The following PCID2 variants were observed in gnomAD, a reference collection of about 807,000 sequenced individuals.
PCID2 encodes PCI domain containing 2, also known as PCI domain-containing protein 2.
Under a neutral mutation model 61.3 loss-of-function variants are expected in PCID2, and 41 were observed. That is an observed-to-expected ratio of 0.67 (90% confidence interval 0.52 to 0.87). The LOEUF is 0.87. PCID2 is among the 40% of genes least tolerant of loss of function. The pLI is 0.00. For synonymous variants in PCID2, 187 were observed against 177.8 expected (o/e 1.05, Z -0.41); for missense variants, 392 against 493.4 (o/e 0.79, Z 1.95).
chr13:113,203,342 G>A (rs2138953661), intron 1 of PCID2, among the ~76,000 whole-genome samples: 1 of 152,306 alleles, frequency 6.6e-6, no homozygotes, highest in South Asian at 2.1e-4. Context: ...CCTAGCTCCT[G>A]ACATTTTCAA....
At chr13:113,186,887 A>C (rs998804815) in intron 7 of PCID2, 4 of 152,272 alleles carry the variant, frequency 2.6e-5, no homozygotes, top group Non-Finnish European at 4.4e-5. Context: ...TGCCCAGTAC[A>C]GAAAACAAGC....
intron 6 of PCID2, 87 bp downstream of exon 6, chr13:113,194,984 A>G (rs891051303): frequency 5.1e-5 from 50 of 978,480 alleles, no homozygotes; most frequent in Non-Finnish European, 7.8e-5. Context: ...GCTCCTCAAA[A>G]CTTCTGGGAA....
At chr13:113,208,216 A>G in intron 1 of PCID2, 2 of 1,524,456 alleles carry the variant, frequency 1.3e-6, no homozygotes, top group Non-Finnish European at 1.8e-6. Flanking sequence ...CCTGCTGGGA[A>G]ACAGCGTCCA....
chr13:113,200,243 T>C (rs562661261), intron 2 of PCID2, among the ~76,000 whole-genome samples, 184 bp downstream of exon 2: 3 of 152,238 alleles, frequency 2.0e-5, no homozygotes, highest in Non-Finnish European at 2.9e-5. Flanking sequence ...ATCACCACAG[T>C]GTGCGTACAT....
the PCID2 span, chr13:113,172,174 G>A: frequency 1.3e-6 from 2 of 1,574,754 alleles, no homozygotes; most frequent in South Asian, 1.1e-5. Flanking sequence ...CTGCCACTGT[G>A]GAGGGCGCTG....
chr13:113,205,572 C>T (rs1387151775), intron 1 of PCID2, among the ~76,000 whole-genome samples: 1 of 152,120 alleles, frequency 6.6e-6, no homozygotes, highest in Non-Finnish European at 1.5e-5. Context: ...AGCACAACAG[C>T]CAAAAAGAGG....
downstream of PCID2, among the ~76,000 whole-genome samples, chr13:113,174,704 G>A (rs1257747241): frequency 6.6e-6 from 1 of 152,120 alleles, no homozygotes; most frequent in East Asian, 1.9e-4. Flanking sequence ...GGCTGGTCTC[G>A]AACTCCAGGG....
intron 1 of PCID2, among the ~76,000 whole-genome samples, chr13:113,202,646 G>C (rs76456095): frequency 0.018 from 2,811 of 152,242 alleles, 80 homozygotes; most frequent in African/African-American, 0.063. Context: ...AGAATGCTGC[G>C]TCTTGTATAA....
the PCID2 span, among the ~76,000 whole-genome samples, chr13:113,167,402 A>G: frequency 6.6e-6 from 1 of 152,256 alleles, no homozygotes; most frequent in South Asian, 2.1e-4. Flanking sequence ...CACTTGGCTC[A>G]GCATTTTGCA....
chr13:113,204,890 G>T (rs2039692997), intron 1 of PCID2, among the ~76,000 whole-genome samples: 1 of 152,114 alleles, frequency 6.6e-6, no homozygotes, highest in Non-Finnish European at 1.5e-5. Flanking sequence ...CCCTCAATGG[G>T]ACCACACAAC....
intron 8 of PCID2, among the ~76,000 whole-genome samples, chr13:113,184,931 G>T (rs1351256913): frequency 6.6e-6 from 1 of 151,748 alleles, no homozygotes; most frequent in East Asian, 1.9e-4. Context: ...CTGGGAAGCC[G>T]TTCCAGGGGG....
intron 8 of PCID2, among the ~76,000 whole-genome samples, chr13:113,185,083 G>A (rs2037985490): frequency 6.6e-6 from 1 of 152,240 alleles, no homozygotes; most frequent in Admixed American, 6.5e-5. Context: ...GACTTTATGT[G>A]GCAATGGTTT....
At chr13:113,207,445 G>C (rs557325965) in intron 1 of PCID2, among the ~76,000 whole-genome samples, 1 of 152,100 alleles carries the variant, frequency 6.6e-6, no homozygotes, top group African/African-American at 2.4e-5. Flanking sequence ...ACTGATATTG[G>C]AAAATGTTAA....
In PCID2 at chr13:113,178,034, A is replaced by G. The variant is rs1370574857; in HGVS notation, c.*164T>C. ...CTGAAATTAGTTACAAATGAAGGAG[A>G]TTAACTCGGGTGTGCTGAAAATCTC... On this transcript the variant is annotated 3_prime_UTR_variant, in exon 14 of 14. Coordinates refer to ENST00000337344, the MANE Select transcript of PCID2 (RefSeq NM_001127202.4). 7 of 517,548 alleles carry G rather than the reference A, an allele frequency of 1.4e-5. No homozygotes were observed. The highest frequency in any genetic ancestry group is 9.3e-4 in the Middle Eastern group (2 of 2,152). 32.1% of individuals were successfully genotyped at this position (517,548 alleles called of 1,614,324 possible).
intron 6 of PCID2, among the ~76,000 whole-genome samples, chr13:113,193,234 G>A (rs1294240146): frequency 6.6e-6 from 1 of 151,836 alleles, no homozygotes; most frequent in Non-Finnish European, 1.5e-5. Flanking sequence ...GGTAGAAAAA[G>A]TTTATTGGTA....
rs577221283 is a variant in PCID2 at position 113,190,135 on chromosome 13, G to A, written c.467+737C>T. On this transcript the variant is annotated intron_variant, in intron 7 of 13. Transcript: ENST00000337344. ...ATCCCAGAAAGAGAAGAGAAAAAAT[G>A]GGGCCAAAAGTAGTTAAAGAATGTA... Among the ~76,000 whole-genome samples the A allele has an allele frequency of 7.9e-4, 120 of 151,812 alleles. 1 individual carries two copies. Among genetic ancestry groups the A allele is most frequent in the Non-Finnish European group, 2.1e-4 (14 of 67,944 alleles).
chr13:113,181,254 C>T (rs771573281), intron 9 of PCID2, 24 bp from the exon 10 acceptor site: 45 of 1,474,456 alleles, frequency 3.1e-5, no homozygotes, highest in East Asian at 2.9e-4. Flanking sequence ...AGAGCCAGCA[C>T]GCATGAGACC....
chr13:113,187,488 C>T (rs1302941406), intron 7 of PCID2: 7 of 152,220 alleles, frequency 4.6e-5, no homozygotes, highest in African/African-American at 1.7e-4. Context: ...CGCCGCCCGT[C>T]TTTCTGATTA....
At chr13:113,170,336 C>G in the PCID2 span, 4 of 884,926 alleles carry the variant, frequency 4.5e-6, no homozygotes, top group Non-Finnish European at 5.8e-6. Context: ...TGGTCCATAT[C>G]CCTATCCAGT....
Sources: gnomAD v4.1 joint callset for allele counts (sites outside exome capture counted in the v4.1 genomes callset) on GRCh38, gnomAD v4.1.1 for gene constraint, MANE v1.5 for transcripts, NCBI Gene and HGNC (gene_info 2026-07-23, HGNC 2026-07-21) for gene names.